The following RALYL variants were observed in gnomAD, a reference collection of about 807,000 sequenced individuals.
RALYL encodes RALY RNA binding protein like, also known as RNA-binding Raly-like protein.
In RALYL, 29 loss-of-function variants were observed where a neutral mutation model predicts 35.1. The observed-to-expected ratio is 0.83, with a 90% CI of 0.61 to 1.13. The LOEUF (loss-of-function observed/expected upper bound fraction) is 1.13, where lower values mean the gene tolerates loss of function less well. RALYL is among the 50% of genes most tolerant of loss of function. The pLI is 0.00. For missense variants in RALYL, 359 were observed against 360.4 expected, an observed-to-expected ratio of 1.00 and a Z score of 0.03; for synonymous variants, 120 against 127.6, an observed-to-expected ratio of 0.94 and a Z score of 0.40.
chr8:84,522,249 A>ATTTT lies in RALYL; in HGVS notation c.-23-7035_-23-7032dup, dbSNP rs34104122. On this transcript the variant is annotated intron_variant, in intron 1 of 8. Transcript: ENST00000521268. ...TTATACACAAAATGATAGAAAGGAAATTTTTTTTTTTTTTTTTTGAGATGG... is the reference window on the plus strand; with the variant it reads ...TTATACACAAAATGATAGAAAGGAAATTTTTTTTTTTTTTTTTTTTTTGAGATGG... 6.7e-5 allele frequency among the ~76,000 whole-genome samples: 9 copies of ATTTT among 133,872 alleles called. 1 individual carries two copies. The highest frequency in any genetic ancestry group is 2.3e-4 in the Admixed American group (3 of 12,768). The allele number at this position is 133,872 out of a possible 152,430, so 87.8% of individuals were successfully genotyped here.
chr8:84,524,062 C>G (rs1052789422), intron 1 of RALYL, among the ~76,000 whole-genome samples: 65 of 152,148 alleles, frequency 4.3e-4, no homozygotes, highest in East Asian at 2.1e-3. Context: ...AATGGTATTT[C>G]TAGTTCTAGA....
chr8:84,586,992 G>A (rs935137655), intron 2 of RALYL, among the ~76,000 whole-genome samples: 1 of 152,084 alleles, frequency 6.6e-6, no homozygotes, highest in African/African-American at 2.4e-5. Flanking sequence ...GCTACTGAAC[G>A]TATCATTAAA....
chr8:84,357,760 T>C (rs1852146095), intron 1 of RALYL, among the ~76,000 whole-genome samples: 1 of 147,290 alleles, frequency 6.8e-6, no homozygotes, highest in Non-Finnish European at 1.5e-5. Context: ...GCTTGTCGTA[T>C]ATATATAAAT....
At chr8:84,753,407 T>C (rs1340145508) in intron 2 of RALYL, among the ~76,000 whole-genome samples, 1 of 152,086 alleles carries the variant, frequency 6.6e-6, no homozygotes, top group Non-Finnish European at 1.5e-5. Context: ...GGTTAAGACT[T>C]TGGGAGACTG....
At chr8:84,660,136 G>A (rs1015791561) in intron 2 of RALYL, among the ~76,000 whole-genome samples, 30 of 152,228 alleles carry the variant, frequency 2.0e-4, no homozygotes, top group African/African-American at 7.0e-4. Context: ...TTCTACTACA[G>A]TTGGCCTGTT....
At chr8:84,473,332 A>T (rs1587616730) in intron 1 of RALYL, among the ~76,000 whole-genome samples, 1 of 151,618 alleles carries the variant, frequency 6.6e-6, no homozygotes, top group East Asian at 1.9e-4. Context: ...TTTTAAATTT[A>T]ATATTGATTT....
At chr8:84,544,307 CCTCT>C (rs1011224470) in intron 2 of RALYL, among the ~76,000 whole-genome samples, 6 of 151,858 alleles carry the variant, frequency 4.0e-5, no homozygotes, top group South Asian at 2.1e-4. Context: ...CCTCTGCTAT[CCTCT>C]CTCTCTTCCC....
chr8:84,314,571 A>G (rs1843399541), intron 1 of RALYL, among the ~76,000 whole-genome samples: 1 of 152,076 alleles, frequency 6.6e-6, no homozygotes, highest in Non-Finnish European at 1.5e-5. Flanking sequence ...GTAAACACAT[A>G]AAAAAATAGT....
intron 2 of RALYL, among the ~76,000 whole-genome samples, chr8:84,743,535 A>G (rs1807872524): frequency 6.6e-6 from 1 of 152,056 alleles, no homozygotes; most frequent in South Asian, 2.1e-4. Context: ...TTTCAGTCAC[A>G]AATTTTATTC....
chr8:84,224,102 G>A (rs1708505701), intron 1 of RALYL, among the ~76,000 whole-genome samples: 2 of 152,190 alleles, frequency 1.3e-5, no homozygotes, highest in South Asian at 4.1e-4. Context: ...AGATAAAAAT[G>A]GTCCCTACCG....
At chr8:84,400,770 G>A (rs1345713633) in intron 1 of RALYL, among the ~76,000 whole-genome samples, 3 of 152,196 alleles carry the variant, frequency 2.0e-5, no homozygotes, top group East Asian at 1.9e-4. Flanking sequence ...GGAAAGCTGT[G>A]TAGGCACCAT....
intron 1 of RALYL, among the ~76,000 whole-genome samples, chr8:84,490,222 A>C (rs969357615): frequency 6.6e-6 from 1 of 151,522 alleles, no homozygotes; most frequent in African/African-American, 2.4e-5. Flanking sequence ...CTTTCATCTC[A>C]CCCTGCCCAT....
At chr8:84,532,512 G>A (rs1247450326) in intron 2 of RALYL, among the ~76,000 whole-genome samples, 1 of 151,878 alleles carries the variant, frequency 6.6e-6, no homozygotes, top group Non-Finnish European at 1.5e-5. Context: ...AATATGAAGT[G>A]CATTTTTATG....
intron 1 of RALYL, among the ~76,000 whole-genome samples, chr8:84,249,108 C>A (rs146507347): frequency 6.6e-6 from 1 of 151,320 alleles, no homozygotes; most frequent in African/African-American, 2.4e-5. Context: ...ATTGAGGCAG[C>A]GTAAAACAAT....
chr8:84,741,483 G>A (rs577931831), intron 2 of RALYL, among the ~76,000 whole-genome samples: 12 of 152,146 alleles, frequency 7.9e-5, no homozygotes, highest in African/African-American at 1.9e-4. Context: ...GCTGCTCTCC[G>A]CTTCCAAGAT....
chr8:84,372,591 TA>T (rs1475703943), intron 1 of RALYL, among the ~76,000 whole-genome samples: 1 of 151,724 alleles, frequency 6.6e-6, no homozygotes, highest in Non-Finnish European at 1.5e-5. Flanking sequence ...AAAAATAAAA[TA>T]AGCTAGTCAG....
At chr8:84,319,795 A>G (rs1435892144) in intron 1 of RALYL, among the ~76,000 whole-genome samples, 2 of 152,082 alleles carry the variant, frequency 1.3e-5, no homozygotes, top group African/African-American at 2.4e-5. Flanking sequence ...TCACTTAAAT[A>G]TATTAGAATA....
intron 1 of RALYL, among the ~76,000 whole-genome samples, chr8:84,368,962 AG>A: frequency 6.6e-6 from 1 of 152,340 alleles, no homozygotes; most frequent in Non-Finnish European, 1.5e-5. Context: ...AGTTTAGATC[AG>A]GTCAAGTTTT....
intron 2 of RALYL, among the ~76,000 whole-genome samples, chr8:84,654,818 A>G (rs115360529): frequency 0.01 from 1,571 of 152,182 alleles, 33 homozygotes; most frequent in African/African-American, 0.035. Context: ...CATTTTCTTT[A>G]TTCATTCATC....
Sources: gnomAD v4.1 joint callset for allele counts (sites outside exome capture counted in the v4.1 genomes callset) on GRCh38, gnomAD v4.1.1 for gene constraint, MANE v1.5 for transcripts, NCBI Gene and HGNC (gene_info 2026-07-23, HGNC 2026-07-21) for gene names.